Variants in PCTP observed in about 807,000 individuals in gnomAD.
PCTP encodes phosphatidylcholine transfer protein.
PCTP carries 27 observed loss-of-function variants against 31.0 expected under a neutral mutation model. The ratio of observed to expected loss-of-function variants is 0.87; its 90% CI spans 0.64 to 1.20. The LOEUF is 1.20. Ranked by LOEUF, PCTP falls within the 50% of genes most tolerant of loss-of-function variation. PCTP has a pLI of 0.00. For missense variants in PCTP, 287 were observed against 268.2 expected, an observed-to-expected ratio of 1.07 and a Z score of -0.49; for synonymous variants, 108 against 101.2, an observed-to-expected ratio of 1.07 and a Z score of -0.40.
intron 4 of PCTP, among the ~76,000 whole-genome samples, chr17:55,774,276 A>G (rs1281414993): frequency 2.0e-5 from 3 of 152,322 alleles, no homozygotes; most frequent in Non-Finnish European, 4.4e-5. Context: ...GCTCTGGCTC[A>G]GTACCAACTC....
At chr17:55,797,482 G>A (rs1912223332) in intron 3 of PCTP, among the ~76,000 whole-genome samples, 2 of 151,978 alleles carry the variant, frequency 1.3e-5, no homozygotes, top group South Asian at 4.1e-4. Flanking sequence ...AATACCACAG[G>A]ATTTCTGTTG....
intron 5 of PCTP, chr17:55,775,726 C>A: frequency 2.4e-6 from 3 of 1,234,640 alleles, no homozygotes; most frequent in Non-Finnish European, 1.0e-6. Flanking sequence ...TGTAACAATC[C>A]AGCCCAAGCC....
chr17:55,841,523 G>T (rs572274694), intron 5 of PCTP, among the ~76,000 whole-genome samples: 1 of 152,106 alleles, frequency 6.6e-6, no homozygotes, highest in East Asian at 1.9e-4. Context: ...TCACTACTTT[G>T]GTATTGCCAC....
rs893993982 is a variant in PCTP at position 55,777,019 on chromosome 17, A to G, written c.*919A>G. The G allele has an allele frequency of 3.0e-6, 3 of 985,690 alleles. No homozygotes were observed. Among genetic ancestry groups the G allele is most frequent in the Non-Finnish European group, 3.6e-6 (3 of 829,970 alleles). The allele number at this position is 985,690 out of a possible 1,614,324, so 61.1% of individuals were successfully genotyped here. ...CAGAATATTTAGAAATGTAGAAGGG[A>G]TAACAGTTCACAGCCAGGTAAAATT... is the stretch of plus-strand genomic sequence containing the variant. On this transcript the variant is annotated 3_prime_UTR_variant, in exon 6 of 6. Coordinates refer to ENST00000268896, the MANE Select transcript of PCTP (RefSeq NM_021213.4).
At chr17:55,826,066 T>A (rs376104862), downstream of PCTP, among the ~76,000 whole-genome samples, 1 of 152,188 alleles carries the variant, frequency 6.6e-6, no homozygotes, top group Admixed American at 6.5e-5. Context: ...TGGCCAGAGA[T>A]CACACAGTTA....
chr17:55,772,387 G>A (rs1350301503), intron 3 of PCTP, among the ~76,000 whole-genome samples: 1 of 152,114 alleles, frequency 6.6e-6, no homozygotes, highest in South Asian at 2.1e-4. Context: ...CAGAGTTCGA[G>A]ATCAGCCTGG....
chr17:55,781,032 A>G (rs1391344253), downstream of PCTP, among the ~76,000 whole-genome samples: 9 of 150,642 alleles, frequency 6.0e-5, no homozygotes, highest in African/African-American at 2.0e-4. Flanking sequence ...AAAAAAAAAT[A>G]GCAGCTTTGC....
chr17:55,815,186 TAA>T (rs1912878565), intron 3 of PCTP, among the ~76,000 whole-genome samples: 1 of 152,236 alleles, frequency 6.6e-6, no homozygotes, highest in South Asian at 2.1e-4. Context: ...TTTAAGAGTT[TAA>T]AAAGCATGAT....
intron 3 of PCTP, among the ~76,000 whole-genome samples, chr17:55,788,530 C>T (rs920106542): frequency 6.6e-6 from 1 of 152,168 alleles, no homozygotes; most frequent in African/African-American, 2.4e-5. Context: ...GATAAATAAA[C>T]ATCATCTTTG....
At chr17:55,819,545 G>A (rs1012404098) in intron 3 of PCTP, among the ~76,000 whole-genome samples, 1 of 152,030 alleles carries the variant, frequency 6.6e-6, no homozygotes, top group Admixed American at 6.5e-5. Flanking sequence ...TAGTTCAGGA[G>A]TTCAAGACCA....
intron 1 of PCTP, among the ~76,000 whole-genome samples, chr17:55,766,921 C>G (rs1396724637): frequency 6.6e-6 from 1 of 152,144 alleles, no homozygotes; most frequent in Non-Finnish European, 1.5e-5. Context: ...TCTCCAGCAC[C>G]TGTTTTTTCC....
chr17:55,766,402 C>T (rs1293703545), intron 1 of PCTP, among the ~76,000 whole-genome samples: 3 of 120,210 alleles, frequency 2.5e-5, no homozygotes, highest in African/African-American at 3.7e-5. Flanking sequence ...CTAATGCTAT[C>T]CCTCCCCCCT....
chr17:55,781,019 A>C, downstream of PCTP, among the ~76,000 whole-genome samples: 1 of 152,186 alleles, frequency 6.6e-6, no homozygotes, highest in East Asian at 1.9e-4. Context: ...CATGTAAAAA[A>C]AAAAAAAAAA....
downstream of PCTP, among the ~76,000 whole-genome samples, chr17:55,781,918 T>C (rs1466536169): frequency 6.6e-6 from 1 of 151,682 alleles, no homozygotes; most frequent in Non-Finnish European, 1.5e-5. Flanking sequence ...CCTGATTGTG[T>C]GTGTGTGTGT....
chr17:55,799,961 T>C (rs1347801660), intron 3 of PCTP, among the ~76,000 whole-genome samples: 1 of 152,194 alleles, frequency 6.6e-6, no homozygotes, highest in Admixed American at 6.5e-5. Context: ...CTGATGGGCT[T>C]CCCTTTGTGG....
Position 55,774,858 on chromosome 17 carries a change from A to T in PCTP, c.578A>T (p.Lys193Met). 1.3e-6 allele frequency: 1 copy of T among 793,978 alleles called. No individual in the cohort carries two copies. Among genetic ancestry groups the T allele is most frequent in the Non-Finnish European group, 1.9e-6 (1 of 519,482 alleles). The allele number at this position is 793,978 out of a possible 1,614,324, so 49.2% of individuals were successfully genotyped here. ...IPSWLINWAA[K>M]NGVPNFLKDM... is the part of the protein sequence containing the mutation. The stretch of plus-strand genomic sequence containing the variant: ...TCCTGGCTCATTAACTGGGCCGCCA[A>T]GGTGAGATCCCAGGAGGTGGGGCGG... The change falls in exon 5 of 6, where the codon AAG (lysine) becomes ATG (methionine). Residue 193 changes from lysine (K) to methionine (M), a missense_variant and splice_region_variant. Lys to Met is a moderately conservative substitution (Grantham distance 95, BLOSUM62 -1). Transcript: ENST00000268896.
chr17:55,778,908 G>A (rs976119167), downstream of PCTP, among the ~76,000 whole-genome samples: 2 of 152,154 alleles, frequency 1.3e-5, no homozygotes, highest in Non-Finnish European at 2.9e-5. Flanking sequence ...TTCCAGCAGA[G>A]GGTCACTTCC....
rs1296965135 is a variant in PCTP at position 55,751,090 on chromosome 17, C to T, written c.-14C>T. The T allele has an allele frequency of 6.6e-7, 1 of 1,526,328 alleles. No individual in the cohort carries two copies. Among genetic ancestry groups the T allele is most frequent in the Non-Finnish European group, 8.8e-7 (1 of 1,137,328 alleles). The allele number at this position is 1,526,328 out of a possible 1,614,324, so 94.5% of individuals were successfully genotyped here. ...GGCCTGCCCTCCAGGCGGAGGAGCCCGGACTGCGGAAGGATGGAGCTGGCC... is the reference window on the plus strand; with the variant it reads ...GGCCTGCCCTCCAGGCGGAGGAGCCTGGACTGCGGAAGGATGGAGCTGGCC... On this transcript the variant is annotated 5_prime_UTR_variant, in exon 1 of 6. Coordinates refer to ENST00000268896, the MANE Select transcript of PCTP (RefSeq NM_021213.4).
intron 3 of PCTP, among the ~76,000 whole-genome samples, chr17:55,801,869 C>G (rs1016372485): frequency 1.3e-5 from 2 of 152,114 alleles, no homozygotes; most frequent in African/African-American, 2.4e-5. Context: ...AAGATCAGAG[C>G]AGAACTGAGG....
Sources: gnomAD v4.1 joint callset for allele counts (sites outside exome capture counted in the v4.1 genomes callset) on GRCh38, gnomAD v4.1.1 for gene constraint, MANE v1.5 for transcripts, NCBI Gene and HGNC (gene_info 2026-07-23, HGNC 2026-07-21) for gene names.